The following SUGCT variants were observed in gnomAD, a reference collection of about 807,000 sequenced individuals.
The protein encoded by SUGCT is succinyl-CoA:glutarate CoA-transferase.
Under a neutral mutation model 55.0 loss-of-function variants are expected in SUGCT, and 41 were observed. The observed-to-expected ratio is 0.74, with a 90% CI of 0.58 to 0.97. The LOEUF (loss-of-function observed/expected upper bound fraction) is 0.97. SUGCT is among the 50% of genes least tolerant of loss of function. The pLI is 0.00. For missense variants in SUGCT, 568 were observed against 547.8 expected (o/e 1.04, Z -0.37); for synonymous variants, 187 against 200.4 (o/e 0.93, Z 0.56).
intron 13 of SUGCT, among the ~76,000 whole-genome samples, chr7:40,777,318 C>T (rs181809040): frequency 6.6e-6 from 1 of 152,194 alleles, no homozygotes; most frequent in East Asian, 1.9e-4. Context: ...TCAGACTGGG[C>T]ACTCTTACCT....
intron 13 of SUGCT, among the ~76,000 whole-genome samples, chr7:40,750,785 C>T (rs2128713079): frequency 6.6e-6 from 1 of 152,182 alleles, no homozygotes; most frequent in Middle Eastern, 3.4e-3. Flanking sequence ...AAACTGAGAT[C>T]ACATGTTCTA....
chr7:40,514,745 A>G (rs938348458), intron 12 of SUGCT, among the ~76,000 whole-genome samples: 2 of 147,990 alleles, frequency 1.4e-5, no homozygotes, highest in Non-Finnish European at 3.0e-5. Context: ...AAGGCAAGCT[A>G]TGTATTTGCG....
At chr7:40,552,519 C>G (rs1298339341) in intron 12 of SUGCT, among the ~76,000 whole-genome samples, 6 of 152,142 alleles carry the variant, frequency 3.9e-5, no homozygotes, top group African/African-American at 1.4e-4. Context: ...AACTCCCCCA[C>G]TCATCTGTCA....
At chr7:40,638,676 T>TA (rs1471643272) in intron 12 of SUGCT, among the ~76,000 whole-genome samples, 1 of 152,140 alleles carries the variant, frequency 6.6e-6, no homozygotes, top group East Asian at 1.9e-4. Flanking sequence ...CAAAGTGCTA[T>TA]AGGGGCCAGT....
chr7:40,294,860 A>G (rs954736339), intron 8 of SUGCT, among the ~76,000 whole-genome samples: 2 of 152,178 alleles, frequency 1.3e-5, no homozygotes, highest in Admixed American at 6.5e-5. Flanking sequence ...TTGATGCATT[A>G]TTAATCTCGG....
intron 8 of SUGCT, among the ~76,000 whole-genome samples, chr7:40,296,612 C>CGTGTGTGTGTGTGTGTGTGT (rs10528858): frequency 2.1e-5 from 3 of 144,726 alleles, no homozygotes; most frequent in Admixed American, 2.1e-4. Flanking sequence ...GTGAGTGACT[C>CGTGTGTGTGTGTGTGTGTGT]GTGTGTGTGT....
At chr7:40,529,667 T>C (rs1314936534) in intron 12 of SUGCT, among the ~76,000 whole-genome samples, 1 of 152,224 alleles carries the variant, frequency 6.6e-6, no homozygotes, top group Non-Finnish European at 1.5e-5. Context: ...AAAATGTTCC[T>C]TTTAATTGTA....
At chr7:40,476,834 G>A (rs573387350) in intron 11 of SUGCT, among the ~76,000 whole-genome samples, 1 of 148,574 alleles carries the variant, frequency 6.7e-6, no homozygotes, top group East Asian at 2.0e-4. Flanking sequence ...GTCTCACTCT[G>A]TTGCCAAGGC....
rs12671764 is a variant in SUGCT, at chr7:40,514,567, G to A, written c.1089+18181G>A. On this transcript the variant is annotated intron_variant, in intron 12 of 13. Transcript: ENST00000335693. Reference sequence around the variant, plus strand: ...CTATTAAAAAGACAAAAAATTAGCCGTGTGTGGTGGCACATGACTGTAGTC... The same window carrying A: ...CTATTAAAAAGACAAAAAATTAGCCATGTGTGGTGGCACATGACTGTAGTC... Among the ~76,000 whole-genome samples, 387 of 151,970 alleles carry A rather than the reference G, an allele frequency of 2.5e-3. 11 individuals carry two copies. The East Asian group carries it at 0.069, about 27-fold the overall frequency.
intron 13 of SUGCT, among the ~76,000 whole-genome samples, chr7:40,818,932 C>T (rs1791826285): frequency 1.6e-5 from 2 of 125,188 alleles, no homozygotes; most frequent in African/African-American, 6.0e-5. Context: ...CAACAGGCCC[C>T]AGTGTGTGAT....
chr7:40,328,638 T>C (rs1180985544), intron 9 of SUGCT, among the ~76,000 whole-genome samples: 1 of 152,222 alleles, frequency 6.6e-6, no homozygotes, highest in Non-Finnish European at 1.5e-5. Flanking sequence ...TTCCACTGCT[T>C]AAAACTCATT....
chr7:40,970,262 C>T, the SUGCT span, among the ~76,000 whole-genome samples: 2 of 152,146 alleles, frequency 1.3e-5, no homozygotes, highest in Admixed American at 6.5e-5. Context: ...ATCTCTGCCT[C>T]CTGGGTTCAA....
chr7:40,453,788 A>G (rs902060310), intron 10 of SUGCT, among the ~76,000 whole-genome samples: 1 of 152,226 alleles, frequency 6.6e-6, no homozygotes, highest in African/African-American at 2.4e-5. Context: ...TACTGAGCAT[A>G]TGAAGAACCA....
chr7:40,728,900 G>T (rs1786745079), intron 12 of SUGCT, among the ~76,000 whole-genome samples: 1 of 152,138 alleles, frequency 6.6e-6, no homozygotes, highest in Non-Finnish European at 1.5e-5. Context: ...TTTGTTTAAT[G>T]CTGTGTGCCA....
rs114050529 is a variant in SUGCT at position 40,678,046 on chromosome 7, G to A, written c.1090-71388G>A. Among the ~76,000 whole-genome samples the A allele has an allele frequency of 1.5e-3, 222 of 152,324 alleles. 1 individual carries two copies. The highest frequency in any genetic ancestry group is 5.2e-3 in the African/African-American group (216 of 41,576). On this transcript the variant is annotated intron_variant, in intron 12 of 13. Transcript: ENST00000335693. ...ACCTCTCCACAGGGCACAGCCGCTG[G>A]CTTCCTCCAGAGAAAATGATTCAAG...
chr7:40,913,539 G>A, the SUGCT span, among the ~76,000 whole-genome samples: 1 of 152,184 alleles, frequency 6.6e-6, no homozygotes, highest in Non-Finnish European at 1.5e-5. Context: ...TCCAGAGCAT[G>A]TACTACAAGA....
chr7:40,750,979 A>C (rs1424785059), intron 13 of SUGCT, among the ~76,000 whole-genome samples: 1 of 152,246 alleles, frequency 6.6e-6, no homozygotes, highest in Non-Finnish European at 1.5e-5. Context: ...ACTGATACTT[A>C]ATAGAAAGTT....
At chr7:40,624,265 AC>A (rs1286651649) in intron 12 of SUGCT, among the ~76,000 whole-genome samples, 1 of 151,976 alleles carries the variant, frequency 6.6e-6, no homozygotes. Flanking sequence ...CTCCACCAGG[AC>A]CTTTTTTAGG....
At chr7:40,374,506 C>A (rs1004974290) in intron 9 of SUGCT, among the ~76,000 whole-genome samples, 2 of 152,064 alleles carry the variant, frequency 1.3e-5, no homozygotes, top group African/African-American at 2.4e-5. Flanking sequence ...CACAAATTTT[C>A]TGGGAGGAAT....
Sources: allele counts gnomAD v4.1 joint callset (sites outside exome capture counted in the v4.1 genomes callset), GRCh38; gene constraint gnomAD v4.1.1; transcripts MANE v1.5; gene names NCBI Gene and HGNC (gene_info 2026-07-23, HGNC 2026-07-21).